Variants in MKLN1 observed in about 807,000 individuals in gnomAD.
MKLN1 encodes the protein muskelin 1, also known as muskelin.
In MKLN1, 18 loss-of-function variants were observed where a neutral mutation model predicts 99.0. The ratio of observed to expected loss-of-function variants is 0.18; its 90% confidence interval spans 0.13 to 0.27. The LOEUF (loss-of-function observed/expected upper bound fraction) is 0.27. MKLN1 is among the 10% of genes least tolerant of loss of function. The pLI, the probability that MKLN1 is intolerant of heterozygous loss-of-function variation, is 1.00. For synonymous variants in MKLN1, 288 were observed against 293.2 expected, an observed-to-expected ratio of 0.98 and a Z score of 0.18; for missense variants, 621 against 875.9, an observed-to-expected ratio of 0.71 and a Z score of 3.67.
chr7:131,224,551 T>C (rs1351362247), intron 3 of MKLN1, among the ~76,000 whole-genome samples: 3 of 151,406 alleles, frequency 2.0e-5, no homozygotes, highest in African/African-American at 7.3e-5. Flanking sequence ...TCTCAAAAAA[T>C]AATAATAATA....
In MKLN1 at chr7:131,496,586, AAT is replaced by A. The variant is rs1797568633; in HGVS notation, c.*8859_*8860del. The A allele has an allele frequency of 6.6e-6, 1 of 152,114 alleles. No homozygotes were observed. Among genetic ancestry groups the A allele is most frequent in the Non-Finnish European group, 1.5e-5 (1 of 68,042 alleles). The allele number at this position is 152,114 out of a possible 1,614,324, so 9.4% of individuals were successfully genotyped here. A position where few individuals can be genotyped will look rare whatever the true frequency, so the allele number is the denominator to read the frequency against. ...GTATGTAATGTACATATGGAGAAAG[AAT>A]GTATTTTGTTCATTTTCTTAATAAA... On this transcript the variant is annotated 3_prime_UTR_variant, in exon 18 of 18. Transcript: ENST00000352689.
Position 131,443,611 on chromosome 7 carries a change from G to A in MKLN1, c.1304G>A (p.Cys435Tyr), listed in dbSNP as rs1795908775. ...FSGLFAFNCQ[C>Y]QTWKLLREDS... ...GGCTTGTTTGCTTTCAACTGTCAATGTCAAACCTGGAAACTTCTTCGAGAG... is the reference window on the plus strand; with the variant it reads ...GGCTTGTTTGCTTTCAACTGTCAATATCAAACCTGGAAACTTCTTCGAGAG... Residue 435 changes from cysteine (C) to tyrosine (Y), a missense_variant, in exon 11 of 18, where the codon TGT becomes TAT. By Grantham distance (194) the Cys-to-Tyr change is radical (BLOSUM62 -2). Coordinates refer to ENST00000352689, the MANE Select transcript of MKLN1 (RefSeq NM_013255.5). 2 of 1,614,060 alleles carry A rather than the reference G, an allele frequency of 1.2e-6. No homozygotes were observed. Among genetic ancestry groups the A allele is most frequent in the South Asian group, 2.2e-5 (2 of 91,092 alleles).
intron 3 of MKLN1, among the ~76,000 whole-genome samples, chr7:131,265,619 G>A (rs1797796566): frequency 6.6e-6 from 1 of 152,128 alleles, no homozygotes; most frequent in Non-Finnish European, 1.5e-5. Context: ...GCGGAGGAGG[G>A]GCTGTGGCTG....
intron 4 of MKLN1, among the ~76,000 whole-genome samples, chr7:131,393,816 A>G (rs1236168364): frequency 6.6e-6 from 1 of 151,874 alleles, no homozygotes; most frequent in Non-Finnish European, 1.5e-5. Flanking sequence ...TTGTAGAGAT[A>G]GGGTCTCACT....
intron 1 of MKLN1, among the ~76,000 whole-genome samples, chr7:131,343,535 A>T (rs571129293): frequency 6.6e-6 from 1 of 152,324 alleles, no homozygotes; most frequent in African/African-American, 2.4e-5. Flanking sequence ...TCCTCTCTGC[A>T]TAATTAACAT....
chr7:131,316,810 T>C (rs1343781483), intron 3 of MKLN1, among the ~76,000 whole-genome samples: 1 of 152,046 alleles, frequency 6.6e-6, no homozygotes, highest in Non-Finnish European at 1.5e-5. Flanking sequence ...TCCTGAAGCA[T>C]ACACAAGTAT....
At chr7:131,206,530 G>GTGTTATTATTAT (rs754090884) in intron 3 of MKLN1, among the ~76,000 whole-genome samples, 2 of 144,754 alleles carry the variant, frequency 1.4e-5, no homozygotes, top group Non-Finnish European at 3.0e-5. Flanking sequence ...GTATGTATGT[G>GTGTTATTATTAT]TATAATTATT....
intron 1 of MKLN1, among the ~76,000 whole-genome samples, chr7:131,354,201 G>C (rs1015176533): frequency 1.3e-5 from 2 of 152,068 alleles, no homozygotes. Context: ...CATTAAATTT[G>C]TAGGTCATTT....
chr7:131,224,105 A>G (rs1797101095), intron 3 of MKLN1, among the ~76,000 whole-genome samples: 1 of 86,150 alleles, frequency 1.2e-5, no homozygotes, highest in African/African-American at 3.3e-5. Flanking sequence ...AAAAAGTTTA[A>G]AAACTCAAAG....
At chr7:131,475,228 T>G (rs1458565850) in intron 16 of MKLN1, among the ~76,000 whole-genome samples, 1 of 152,154 alleles carries the variant, frequency 6.6e-6, no homozygotes, top group East Asian at 1.9e-4. Flanking sequence ...TATGGAAAAC[T>G]TCATTGACAA....
In MKLN1 at chr7:131,482,409, A is replaced by G. The variant is rs1039118072; in HGVS notation, c.2086+3732A>G. Among the ~76,000 whole-genome samples the G allele has an allele frequency of 2.0e-5, 3 of 151,954 alleles. No homozygotes were observed. In the South Asian group the frequency reaches 6.2e-4, roughly 32 times the overall value. On this transcript the variant is annotated intron_variant, in intron 17 of 17. Coordinates refer to ENST00000352689, the MANE Select transcript of MKLN1 (RefSeq NM_013255.5). The stretch of plus-strand genomic sequence containing the variant: ...TTTTGTAGAGATGAGATCTCACTGT[A>G]TTGCCCAGGTTTGTCCTTTTTTGGT...
rs1486303322 is a variant in MKLN1, at chr7:131,192,160, T to A, written c.-296-10697T>A. Among the ~76,000 whole-genome samples, 23 of 118,594 alleles carry A rather than the reference T, an allele frequency of 1.9e-4. 5 individuals are homozygous for A. Among genetic ancestry groups the A allele is most frequent in the African/African-American group, 7.4e-4 (21 of 28,440 alleles). 77.8% of individuals were successfully genotyped at this position (118,594 alleles called of 152,430 possible). A position where few individuals can be genotyped will look rare whatever the true frequency, so the allele number is the denominator to read the frequency against. On this transcript the variant is annotated intron_variant, in intron 2 of 7. Transcript: ENST00000416992. ...ATATATATACGTATATATACATATA[T>A]ACTTATGTATAATATATAAAAATAT... is the stretch of plus-strand genomic sequence containing the variant.
At chr7:131,225,575 ATC>A (rs1015442633) in intron 3 of MKLN1, among the ~76,000 whole-genome samples, 7 of 152,158 alleles carry the variant, frequency 4.6e-5, no homozygotes, top group Non-Finnish European at 1.0e-4. Context: ...GGAGCAACAG[ATC>A]TCTCTCTTTC....
chr7:131,199,521 A>G (rs1290401425), intron 2 of MKLN1, among the ~76,000 whole-genome samples: 3 of 152,168 alleles, frequency 2.0e-5, no homozygotes, highest in African/African-American at 7.2e-5. Flanking sequence ...ATACTCACTG[A>G]AGAATATTAT....
intron 1 of MKLN1, among the ~76,000 whole-genome samples, chr7:131,365,486 A>G (rs746987450): frequency 3.3e-5 from 5 of 152,030 alleles, no homozygotes; most frequent in Admixed American, 6.6e-5. Context: ...TTTTGTTGCA[A>G]TTGTTTTTTA....
chr7:131,476,906 A>C (rs759832448), intron 16 of MKLN1, among the ~76,000 whole-genome samples: 6 of 152,260 alleles, frequency 3.9e-5, no homozygotes, highest in Non-Finnish European at 8.8e-5. Context: ...TCAGTACAAC[A>C]GAATAGAGTC....
At chr7:131,443,050 A>C (rs1795889762) in intron 10 of MKLN1, among the ~76,000 whole-genome samples, 1 of 152,232 alleles carries the variant, frequency 6.6e-6, no homozygotes, top group African/African-American at 2.4e-5. Flanking sequence ...AGGTGAATTT[A>C]GCTTCACCAC....
chr7:131,406,717 C>G (rs1794720118), intron 6 of MKLN1, among the ~76,000 whole-genome samples: 1 of 151,938 alleles, frequency 6.6e-6, no homozygotes, highest in Non-Finnish European at 1.5e-5. Flanking sequence ...AATTTTGTCT[C>G]CTTTATAGGA....
At position 131,444,767 on chromosome 7, in the gene MKLN1, AGTAGTAGT is replaced by A. The variant is rs1563352028; in HGVS notation, c.1396-1006_1396-999del. 5.1e-3 allele frequency among the ~76,000 whole-genome samples: 90 copies of A among 17,506 alleles called. 2 individuals are homozygous for A. The highest frequency in any genetic ancestry group is 6.4e-3 in the South Asian group (3 of 468). 11.5% of individuals were successfully genotyped at this position (17,506 alleles called of 152,430 possible). A position where few individuals can be genotyped will look rare whatever the true frequency, so the allele number is the denominator to read the frequency against. On this transcript the variant is annotated intron_variant, in intron 11 of 17. Coordinates refer to ENST00000352689, the MANE Select transcript of MKLN1 (RefSeq NM_013255.5). ...TAGTAGTAGTAGTAGTAGAAGAAGT[AGTAGTAGT>A]AGTAGTAGTAGTAGTAGTAGTAGTA...
Sources: gnomAD v4.1 joint callset for allele counts (sites outside exome capture counted in the v4.1 genomes callset) on GRCh38, gnomAD v4.1.1 for gene constraint, MANE v1.5 for transcripts, NCBI Gene and HGNC (gene_info 2026-07-23, HGNC 2026-07-21) for gene names.